The following MTCL2 variants were observed in gnomAD, a reference collection of about 807,000 sequenced individuals.
MTCL2 encodes the protein microtubule cross-linking factor 2.
the MTCL2 span, chr20:36,780,776 G>A: frequency 3.3e-5 from 5 of 152,188 alleles, no homozygotes; most frequent in East Asian, 7.7e-4. Flanking sequence ...GGTCAATCAC[G>A]TTGGTGGATT....
At chr20:36,812,383 T>C in the MTCL2 span, among the ~76,000 whole-genome samples, 2 of 152,352 alleles carry the variant, frequency 1.3e-5, no homozygotes, top group South Asian at 4.1e-4. Context: ...ACTGCCTGGC[T>C]ATAGAGACTG....
the MTCL2 span, chr20:36,816,019 G>A: frequency 2.5e-6 from 4 of 1,613,470 alleles, no homozygotes; most frequent in Non-Finnish European, 3.4e-6. Context: ...ATCTCAGCCC[G>A]CAGGCCTCGG....
chr20:36,812,685 T>G, the MTCL2 span: 1 of 1,612,058 alleles, frequency 6.2e-7, no homozygotes, highest in South Asian at 1.1e-5. Flanking sequence ...ATCCCATGCT[T>G]GCTCAGGCCT....
At chr20:36,815,701 C>A in the MTCL2 span, 1 of 1,603,750 alleles carries the variant, frequency 6.2e-7, no homozygotes, top group East Asian at 2.2e-5. This position sits in a 1 kb window ranked among gnomAD's most constrained non-coding sequence, Gnocchi z 5.3. Context: ...CTGAGCTCGC[C>A]GATCTGCAGC....
At chr20:36,839,390 T>G in the MTCL2 span, 1 of 1,613,478 alleles carries the variant, frequency 6.2e-7, no homozygotes, top group South Asian at 1.1e-5. This position sits in a 1 kb window ranked among gnomAD's most constrained non-coding sequence, Gnocchi z 5.1. Flanking sequence ...TCCTCCTCCA[T>G]ATAGACGTCC....
the MTCL2 span, among the ~76,000 whole-genome samples, chr20:36,837,302 G>A: frequency 9.2e-5 from 14 of 152,162 alleles, no homozygotes; most frequent in Non-Finnish European, 5.9e-5. Flanking sequence ...AGCTTCCGAA[G>A]ACAGGCAGGG....
the MTCL2 span, among the ~76,000 whole-genome samples, chr20:36,825,541 C>T: frequency 3.3e-5 from 5 of 152,312 alleles, 1 homozygote; most frequent in South Asian, 8.3e-4. Context: ...GGCAACAGTG[C>T]CACCGCAGCC....
At chr20:36,842,617 C>G in the MTCL2 span, among the ~76,000 whole-genome samples, 1 of 152,052 alleles carries the variant, frequency 6.6e-6, no homozygotes, top group East Asian at 1.9e-4. Flanking sequence ...ACTAAAAATA[C>G]AAAAATTAGC....
At chr20:36,793,868 G>C in the MTCL2 span, 1 of 1,549,046 alleles carries the variant, frequency 6.5e-7, no homozygotes, top group Non-Finnish European at 8.7e-7. The surrounding 1 kb of genome is among the most constrained non-coding windows in gnomAD (Gnocchi z 6.8). Context: ...GCTGCGGGGT[G>C]ACCAGGCCTT....
chr20:36,796,825 G>C, the MTCL2 span: 6 of 1,560,842 alleles, frequency 3.8e-6, no homozygotes, highest in Non-Finnish European at 5.3e-6. Flanking sequence ...GAGGTGGAGA[G>C]GGGCGAGGCT....
At chr20:36,820,408 A>G in the MTCL2 span, among the ~76,000 whole-genome samples, 2 of 152,238 alleles carry the variant, frequency 1.3e-5, no homozygotes, top group Admixed American at 6.5e-5. Context: ...CTGACATGGT[A>G]AAGTCTCTCA....
the MTCL2 span, among the ~76,000 whole-genome samples, chr20:36,801,130 TC>T: frequency 6.6e-6 from 1 of 152,274 alleles, no homozygotes; most frequent in African/African-American, 2.4e-5. Context: ...AGCCTTGATT[TC>T]CTGAGCTCAA....
the MTCL2 span, chr20:36,808,786 T>A: frequency 6.6e-7 from 1 of 1,511,898 alleles, no homozygotes; most frequent in Non-Finnish European, 8.9e-7. Flanking sequence ...GGCCCTGTCC[T>A]CTCCCCCACC....
At chr20:36,792,692 T>C in the MTCL2 span, among the ~76,000 whole-genome samples, 1 of 152,138 alleles carries the variant, frequency 6.6e-6, no homozygotes, top group South Asian at 2.1e-4. Context: ...CCATGCTCAC[T>C]AGTCTCTTGG....
the MTCL2 span, among the ~76,000 whole-genome samples, chr20:36,823,206 A>G: frequency 6.6e-6 from 1 of 152,170 alleles, no homozygotes; most frequent in African/African-American, 2.4e-5. Context: ...GAAAACAAAG[A>G]GTGTTTTAAA....
At chr20:36,797,904 G>A in the MTCL2 span, among the ~76,000 whole-genome samples, 1 of 152,138 alleles carries the variant, frequency 6.6e-6, no homozygotes, top group African/African-American at 2.4e-5. Flanking sequence ...AGTGGCAAAT[G>A]TAAGATCCAG....
At chr20:36,858,340 ACACACACACAC>A in the MTCL2 span, among the ~76,000 whole-genome samples, 1 of 122,684 alleles carries the variant, frequency 8.2e-6, no homozygotes, top group Non-Finnish European at 1.7e-5. Flanking sequence ...ACACACACAC[ACACACACACAC>A]TGGCTGCACT....
the MTCL2 span, chr20:36,828,816 T>C: frequency 2.1e-6 from 1 of 476,022 alleles, no homozygotes; most frequent in East Asian, 3.8e-5. Flanking sequence ...GTGAGCTCCC[T>C]GAGGACAGGA....
At chr20:36,787,020 T>G in the MTCL2 span, among the ~76,000 whole-genome samples, 2 of 151,982 alleles carry the variant, frequency 1.3e-5, no homozygotes, top group Non-Finnish European at 2.9e-5. Context: ...TGAGACAGGG[T>G]CTCACTATGT....
Sources: allele counts gnomAD v4.1 joint callset (sites outside exome capture counted in the v4.1 genomes callset), GRCh38; gene constraint gnomAD v4.1.1; non-coding constraint Gnocchi (gnomAD v3.1); transcripts MANE v1.5; gene names NCBI Gene and HGNC (gene_info 2026-07-23, HGNC 2026-07-21).